Variants in TNFAIP6 observed in about 807,000 individuals in gnomAD.
TNFAIP6 encodes the protein TNF alpha induced protein 6.
In TNFAIP6, 36 loss-of-function variants were observed where a neutral mutation model predicts 33.7. That is an observed-to-expected ratio of 1.07 (90% CI 0.82 to 1.41). The LOEUF is 1.41. TNFAIP6 is among the 40% of genes most tolerant of loss of function. TNFAIP6 has a pLI of 0.00. For synonymous variants in TNFAIP6, 113 were observed against 112.8 expected (o/e 1.00, Z -0.01); for missense variants, 273 against 331.9 (o/e 0.82, Z 1.38).
chr2:151,376,865 C>T (rs201295157), intron 5 of TNFAIP6, among the ~76,000 whole-genome samples: 2,107 of 114,320 alleles, frequency 0.018, 47 homozygotes, highest in Non-Finnish European at 0.026. Flanking sequence ...TTTTTCTTTT[C>T]TTTTTTTTTT....
At chr2:151,373,754 A>AT (rs914962752) in intron 5 of TNFAIP6, 165 bp downstream of exon 5, 3 of 371,176 alleles carry the variant, frequency 8.1e-6, no homozygotes, top group Non-Finnish European at 1.4e-5. Flanking sequence ...CAAAAAAAAA[A>AT]AAAAAATTAA....
At chr2:151,376,091 A>G (rs144051205) in intron 5 of TNFAIP6, among the ~76,000 whole-genome samples, 4,182 of 152,022 alleles carry the variant, frequency 0.028, 159 homozygotes, top group African/African-American at 0.085. Context: ...CTAAAAACAC[A>G]AAAAATTAGC....
chr2:151,370,222 C>G lies in TNFAIP6; in HGVS notation c.597C>G (p.Tyr199Ter). The change falls in exon 4 of 6, where the codon TAC (tyrosine) becomes TAG (stop). Residue 199 changes from tyrosine to a stop codon, truncating the protein, a stop_gained. Transcript: ENST00000243347. LOFTEE classifies it high-confidence loss of function. ...LADYVEIYDS[Y>*]DDVHGFVGRY... ...ATTATGTTGAAATATATGACAGTTA[C>G]GATGATGTCCATGGCTTTGTGGGAA... 1 of 1,613,936 alleles carries G rather than the reference C, an allele frequency of 6.2e-7. No individual in the cohort carries two copies. The highest frequency in any genetic ancestry group is 8.5e-7 in the Non-Finnish European group (1 of 1,179,910).
intron 1 of TNFAIP6, among the ~76,000 whole-genome samples, chr2:151,363,409 G>GATTA (rs1684660220): frequency 6.8e-6 from 1 of 147,418 alleles, no homozygotes; most frequent in Admixed American, 6.7e-5. Flanking sequence ...TGTAATCCCA[G>GATTA]CACTTTGGGA....
chr2:151,362,583 C>T (rs1684644800), intron 1 of TNFAIP6, among the ~76,000 whole-genome samples: 1 of 148,696 alleles, frequency 6.7e-6, no homozygotes. Context: ...CTCCGCCTCC[C>T]GGGTTCATGT....
intron 5 of TNFAIP6, 130 bp from the exon 6 acceptor site, chr2:151,379,234 C>T: frequency 1.2e-6 from 1 of 826,030 alleles, no homozygotes; most frequent in Non-Finnish European, 1.8e-6. Context: ...GCTTGAGAAT[C>T]GACCTCTGAA....
intron 1 of TNFAIP6, among the ~76,000 whole-genome samples, chr2:151,359,610 A>G (rs147857104): frequency 1.4e-4 from 22 of 152,148 alleles, no homozygotes; most frequent in South Asian, 6.2e-4. Flanking sequence ...GGGTGGTCTC[A>G]ATCTCCTGAC....
intron 1 of TNFAIP6, among the ~76,000 whole-genome samples, chr2:151,358,695 C>T (rs1417091572): frequency 6.6e-6 from 1 of 152,100 alleles, no homozygotes; most frequent in Non-Finnish European, 1.5e-5. Context: ...GAATATTTTC[C>T]CTTTCAGCAT....
chr2:151,364,235 T>A (rs1032867621), intron 2 of TNFAIP6, among the ~76,000 whole-genome samples, 155 bp downstream of exon 2: 5 of 152,224 alleles, frequency 3.3e-5, no homozygotes, highest in African/African-American at 1.2e-4. Context: ...CCTATCCATC[T>A]GCCTAGAGTT....
intron 3 of TNFAIP6, 111 bp downstream of exon 3, chr2:151,366,328 T>G: frequency 1.1e-6 from 1 of 907,466 alleles, no homozygotes; most frequent in East Asian, 2.6e-5. Context: ...TTGGTAATAA[T>G]AACTACTACT....
At chr2:151,366,617 G>A (rs1684715124) in intron 3 of TNFAIP6, among the ~76,000 whole-genome samples, 4 of 152,128 alleles carry the variant, frequency 2.6e-5, no homozygotes, top group Non-Finnish European at 1.5e-5. Context: ...ACTTGTCACA[G>A]TAAATTAGCT....
Position 151,370,064 on chromosome 2 carries a change from A to T in TNFAIP6, c.439A>T (p.Lys147Ter), listed in dbSNP as rs149968670. The change falls in exon 4 of 6, where the codon AAA becomes TAA. Residue 147 changes from lysine (K) to a stop codon, truncating the protein, a stop_gained. Transcript: ENST00000243347. LOFTEE classifies it high-confidence loss of function. ...CTTTACAGATCCAAAGCAAATTTTTAAATCTCCAGGCTTCCCAAATGAGTA... is the reference window on the plus strand; with the variant it reads ...CTTTACAGATCCAAAGCAAATTTTTTAATCTCCAGGCTTCCCAAATGAGTA... ...GVFTDPKQIF[K>*]SPGFPNEYED... is the part of the protein sequence containing the mutation. 1.2e-6 allele frequency: 2 copies of T among 1,613,930 alleles called. No individual in the cohort carries two copies. Among genetic ancestry groups the T allele is most frequent in the African/African-American group, 2.7e-5 (2 of 74,906 alleles).
intron 5 of TNFAIP6, among the ~76,000 whole-genome samples, chr2:151,376,937 C>T (rs554709742): frequency 2.2e-4 from 30 of 135,350 alleles, no homozygotes; most frequent in African/African-American, 6.6e-4. Flanking sequence ...AGTGCAAGGG[C>T]GCCATCACAG....
intron 5 of TNFAIP6, 170 bp downstream of exon 5, chr2:151,373,759 A>G: frequency 2.8e-6 from 1 of 361,172 alleles, no homozygotes; most frequent in Non-Finnish European, 5.0e-6. Context: ...AAAAAAAAAA[A>G]ATTAAAGATT....
chr2:151,362,135 A>G (rs905652009), intron 1 of TNFAIP6, among the ~76,000 whole-genome samples: 7 of 152,228 alleles, frequency 4.6e-5, no homozygotes, highest in Admixed American at 4.6e-4. Flanking sequence ...GTCAGACTAC[A>G]TAGAACTATT....
Position 151,366,110 on chromosome 2 carries a change from T to C in TNFAIP6, c.287T>C (p.Ile96Thr). ...WMAKGRVGYP[I>T]VKPGPNCGFG... Reference sequence around the variant, plus strand: ...GCTAAGGGCAGAGTTGGATACCCCATTGTGAAGCCAGGGCCCAACTGTGGA... The same window carrying C: ...GCTAAGGGCAGAGTTGGATACCCCACTGTGAAGCCAGGGCCCAACTGTGGA... Residue 96 changes from isoleucine (I) to threonine (T), a missense_variant, in exon 3 of 6, where the codon ATT becomes ACT. Ile to Thr is a moderately conservative substitution (Grantham distance 89, BLOSUM62 -1). Transcript: ENST00000243347. 2 of 1,614,152 alleles carry C rather than the reference T, an allele frequency of 1.2e-6. No individual in the cohort carries two copies. The highest frequency in any genetic ancestry group is 1.6e-4 in the Middle Eastern group (1 of 6,062).
chr2:151,373,744 C>T (rs200600953), intron 5 of TNFAIP6, 155 bp downstream of exon 5: 3 of 243,750 alleles, frequency 1.2e-5, no homozygotes, highest in Non-Finnish European at 2.2e-5. Flanking sequence ...TTGTAAAATG[C>T]AAAAAAAAAA....
chr2:151,363,388 T>C (rs1341396365), intron 1 of TNFAIP6, among the ~76,000 whole-genome samples: 2 of 148,698 alleles, frequency 1.3e-5, no homozygotes, highest in South Asian at 2.1e-4. Flanking sequence ...CCAGGCCCAG[T>C]GGCTCATGGC....
At chr2:151,363,554 C>T (rs1684664044) in intron 1 of TNFAIP6, among the ~76,000 whole-genome samples, 1 of 151,016 alleles carries the variant, frequency 6.6e-6, no homozygotes, top group African/African-American at 2.4e-5. Flanking sequence ...CCCAGCTATT[C>T]GGGAGGCTGA....
Sources: gnomAD v4.1 joint callset for allele counts (sites outside exome capture counted in the v4.1 genomes callset) on GRCh38, gnomAD v4.1.1 for gene constraint, MANE v1.5 for transcripts, NCBI Gene and HGNC (gene_info 2026-07-23, HGNC 2026-07-21) for gene names.